RNF220: variants seen among roughly 807,000 people sequenced by gnomAD.
The protein encoded by RNF220 is E3 ubiquitin-protein ligase RNF220.
A neutral mutation model predicts 67.1 loss-of-function variants in RNF220; 7 were observed. The observed-to-expected ratio is 0.10, with a 90% CI of 0.06 to 0.20. The LOEUF (loss-of-function observed/expected upper bound fraction) is 0.20. Among genes scored for constraint, RNF220 ranks in the 10% least tolerant of loss-of-function variants. RNF220 has a pLI of 1.00. For synonymous variants in RNF220, 270 were observed against 283.2 expected (o/e 0.95, Z 0.47); for missense variants, 565 against 740.3 (o/e 0.76, Z 2.75).
chr1:44,472,217 C>A (rs960927686), intron 2 of RNF220, among the ~76,000 whole-genome samples: 1 of 152,072 alleles, frequency 6.6e-6, no homozygotes. Context: ...GTTTTCAGTT[C>A]TCTTGGGTAT....
intron 6 of RNF220, 99 bp downstream of exon 6, chr1:44,632,484 T>G: frequency 2.7e-6 from 3 of 1,120,368 alleles, no homozygotes; most frequent in Non-Finnish European, 3.8e-6. Context: ...TCTTCGACTC[T>G]GGGGCCCGTT....
intron 4 of RNF220, among the ~76,000 whole-genome samples, chr1:44,623,242 T>G (rs1643865395): frequency 6.6e-6 from 1 of 152,206 alleles, no homozygotes; most frequent in Non-Finnish European, 1.5e-5. Context: ...TGTTTGTGTG[T>G]ACTTTGTCCT....
At chr1:44,609,718 T>G (rs1667529779) in intron 2 of RNF220, among the ~76,000 whole-genome samples, 1 of 152,212 alleles carries the variant, frequency 6.6e-6, no homozygotes, top group Admixed American at 6.5e-5. Flanking sequence ...TGGCCCAAGC[T>G]AGGAAGAGGG....
Position 44,407,190 on chromosome 1 carries a change from A to T in RNF220, c.-118+1660A>T, listed in dbSNP as rs368098206. ...ACTGGCCCGGGAGCCGCCGAGGGGG[A>T]GAGCACCGCACTCGCTGCCCACGAC... is the stretch of plus-strand genomic sequence containing the variant. On this transcript the variant is annotated intron_variant, in intron 1 of 14. Coordinates refer to ENST00000361799, the MANE Select transcript of RNF220 (RefSeq NM_018150.4). Among the ~76,000 whole-genome samples the T allele has an allele frequency of 5.6e-3, 843 of 151,824 alleles. 9 individuals carry two copies. The highest frequency in any genetic ancestry group is 0.019 in the African/African-American group (794 of 41,376).
chr1:44,494,790 G>C (rs1333061814), intron 2 of RNF220, among the ~76,000 whole-genome samples: 1 of 152,096 alleles, frequency 6.6e-6, no homozygotes, highest in Non-Finnish European at 1.5e-5. Context: ...TCCTGTCAAT[G>C]TATTATTACC....
chr1:44,525,371 G>T (rs182116624), intron 2 of RNF220, among the ~76,000 whole-genome samples: 3 of 152,170 alleles, frequency 2.0e-5, no homozygotes, highest in Admixed American at 6.5e-5. Context: ...CTAGCACAGC[G>T]CTCAGGGCTC....
intron 5 of RNF220, 147 bp from the exon 6 acceptor site, chr1:44,632,196 C>T (rs776687486): frequency 1.3e-6 from 2 of 1,591,142 alleles, no homozygotes; most frequent in East Asian, 2.3e-5. Context: ...GAGGGGCCGG[C>T]GGGAGGGAGG....
At chr1:44,559,943 G>A (rs1663430527) in intron 2 of RNF220, among the ~76,000 whole-genome samples, 1 of 152,230 alleles carries the variant, frequency 6.6e-6, no homozygotes, top group Non-Finnish European at 1.5e-5. Context: ...CTTTTCCTGG[G>A]GTGGGAGCTG....
chr1:44,580,092 AAAG>A (rs2148342173), intron 2 of RNF220, among the ~76,000 whole-genome samples: 2 of 144,282 alleles, frequency 1.4e-5, no homozygotes, highest in South Asian at 4.2e-4. Context: ...AAGAAAAGAA[AAAG>A]AAAGAAAGAA....
chr1:44,614,384 T>C, intron 3 of RNF220, 87 bp downstream of exon 3: 1 of 1,480,262 alleles, frequency 6.8e-7, no homozygotes, highest in Non-Finnish European at 9.2e-7. Context: ...GCCTGGCCCA[T>C]ACCCCAGCCC....
chr1:44,590,406 C>G (rs1287144911), intron 2 of RNF220, among the ~76,000 whole-genome samples: 1 of 152,230 alleles, frequency 6.6e-6, no homozygotes, highest in Non-Finnish European at 1.5e-5. Flanking sequence ...ATTCTCCATC[C>G]TTCACGGGGC....
chr1:44,438,703 A>G (rs952412070), intron 2 of RNF220, among the ~76,000 whole-genome samples: 2 of 152,242 alleles, frequency 1.3e-5, no homozygotes, highest in Admixed American at 1.3e-4. Context: ...AATCCTATGG[A>G]CAACCTCCCG....
chr1:44,429,562 A>G (rs1650138791), intron 2 of RNF220, among the ~76,000 whole-genome samples: 1 of 152,250 alleles, frequency 6.6e-6, no homozygotes, highest in Non-Finnish European at 1.5e-5. Context: ...GTAGAAAAAG[A>G]AAAGTACAGG....
chr1:44,608,874 G>C (rs1051495764), intron 2 of RNF220, among the ~76,000 whole-genome samples: 1 of 152,216 alleles, frequency 6.6e-6, no homozygotes, highest in Non-Finnish European at 1.5e-5. Context: ...GCAGGTGTCA[G>C]GATGGGGCAG....
rs557813690 is a variant in RNF220, at chr1:44,492,367, A to C, written c.625+79645A>C. On this transcript the variant is annotated intron_variant, in intron 2 of 14. Coordinates refer to ENST00000361799, the MANE Select transcript of RNF220 (RefSeq NM_018150.4). ...TGGAAAACAGTCTGGCAGTTCCTCA[A>C]AAAGCTGAAGATAGAGTTGCCATTT... 1.6e-4 allele frequency among the ~76,000 whole-genome samples: 25 copies of C among 152,348 alleles called. No homozygotes were observed. The Middle Eastern group carries it at 0.014, about 83-fold the overall frequency.
intron 2 of RNF220, among the ~76,000 whole-genome samples, chr1:44,567,212 C>G (rs270760): frequency 0.55 from 82,704 of 151,724 alleles, 23,555 homozygotes; most frequent in African/African-American, 0.72. Flanking sequence ...GAACCAGGAA[C>G]AGTACAAACA....
At chr1:44,548,529 T>A (rs272569) in intron 2 of RNF220, among the ~76,000 whole-genome samples, 2,736 of 152,012 alleles carry the variant, frequency 0.018, 103 homozygotes, top group African/African-American at 0.064. Flanking sequence ...GGTCTCACTC[T>A]GTCACTGAGG....
chr1:44,613,092 C>G lies in RNF220; in HGVS notation c.626-1073C>G, dbSNP rs375950280. ...TCTGGATTAATAGGGCTCCTCAACCCCACACCTGTAAGCAGAGGCCACAGA... is the reference window on the plus strand; with the variant it reads ...TCTGGATTAATAGGGCTCCTCAACCGCACACCTGTAAGCAGAGGCCACAGA... On this transcript the variant is annotated intron_variant, in intron 2 of 14. Transcript: ENST00000361799. Among the ~76,000 whole-genome samples the G allele has an allele frequency of 2.7e-4, 39 of 145,750 alleles. No individual in the cohort carries two copies. In the South Asian group the frequency reaches 6.9e-3, roughly 26 times the overall value.
At chr1:44,407,797 G>A (rs576037676) in intron 1 of RNF220, among the ~76,000 whole-genome samples, 1 of 152,298 alleles carries the variant, frequency 6.6e-6, no homozygotes, top group Non-Finnish European at 1.5e-5. Context: ...AGGAGTCCGC[G>A]GCTGCCCGCT....
Sources: gnomAD v4.1 joint callset for allele counts (sites outside exome capture counted in the v4.1 genomes callset) on GRCh38, gnomAD v4.1.1 for gene constraint, MANE v1.5 for transcripts, NCBI Gene and HGNC (gene_info 2026-07-23, HGNC 2026-07-21) for gene names.